The following MGMT variants were observed in gnomAD, a reference collection of about 807,000 sequenced individuals.
The protein encoded by MGMT is methylated-DNA--protein-cysteine methyltransferase.
Under a neutral mutation model 15.9 loss-of-function variants are expected in MGMT, and 14 were observed. That is an observed-to-expected ratio of 0.88 (90% CI 0.58 to 1.37). The LOEUF (loss-of-function observed/expected upper bound fraction) is 1.37, where lower values mean the gene tolerates loss of function less well. Among genes scored for constraint, MGMT ranks in the 40% most tolerant of loss-of-function variants. The pLI, the probability that MGMT is intolerant of heterozygous loss-of-function variation, is 0.00. For synonymous variants in MGMT, 130 were observed against 118.2 expected (o/e 1.10, Z -0.65); for missense variants, 282 against 268.1 (o/e 1.05, Z -0.36).
At chr10:129,496,517 A>C (rs1236475952) in intron 1 of MGMT, among the ~76,000 whole-genome samples, 2 of 152,170 alleles carry the variant, frequency 1.3e-5, no homozygotes, top group Non-Finnish European at 2.9e-5. Context: ...AAAATGTCTA[A>C]ATAAAATACT....
intron 3 of MGMT, among the ~76,000 whole-genome samples, chr10:129,708,479 T>C (rs1329042379): frequency 3.9e-5 from 6 of 152,212 alleles, no homozygotes; most frequent in Non-Finnish European, 8.8e-5. Context: ...GGTAGCAGCA[T>C]TGGAGCTTCT....
At chr10:129,624,998 C>A (rs1041223617) in intron 2 of MGMT, among the ~76,000 whole-genome samples, 6 of 151,896 alleles carry the variant, frequency 4.0e-5, no homozygotes, top group Admixed American at 2.0e-4. Context: ...TGGAAAGAGT[C>A]GTAAAAATTT....
intron 2 of MGMT, among the ~76,000 whole-genome samples, chr10:129,635,853 G>A (rs1238841649): frequency 6.6e-6 from 1 of 152,140 alleles, no homozygotes; most frequent in Non-Finnish European, 1.5e-5. Flanking sequence ...GCCTGCATCT[G>A]TCAGAGATGA....
Position 129,767,069 on chromosome 10 carries a change from A to T in MGMT, c.*72A>T. On this transcript the variant is annotated 3_prime_UTR_variant, in exon 5 of 5. Transcript: ENST00000651593. ...TGCATCGGATGCGGGGCGTGGAGGC[A>T]CCGCTGTATTAAAGGAAGTGGCAGT... The T allele has an allele frequency of 2.4e-6, 3 of 1,266,716 alleles. No homozygotes were observed. The highest frequency in any genetic ancestry group is 2.6e-5 in the Admixed American group (1 of 38,550). 78.5% of individuals were successfully genotyped at this position (1,266,716 alleles called of 1,614,324 possible).
chr10:129,639,299 C>A (rs947770182), intron 2 of MGMT, among the ~76,000 whole-genome samples: 1 of 152,026 alleles, frequency 6.6e-6, no homozygotes, highest in African/African-American at 2.4e-5. Flanking sequence ...TGTTACATAG[C>A]GATAAAGTAT....
rs145402721 is a variant in MGMT, at chr10:129,573,380, C to T, written c.125+37003C>T. On this transcript the variant is annotated intron_variant, in intron 2 of 4. Coordinates refer to ENST00000651593, the MANE Select transcript of MGMT (RefSeq NM_002412.5). ...AGGATCTCCCAATGTTAACAGCTTA[C>T]ATAACCATAGTACATGGTTTGTCAA... is the stretch of plus-strand genomic sequence containing the variant. 4.3e-3 allele frequency among the ~76,000 whole-genome samples: 657 copies of T among 152,280 alleles called. 5 individuals carry two copies. The highest frequency in any genetic ancestry group is 0.015 in the African/African-American group (619 of 41,566).
intron 1 of MGMT, among the ~76,000 whole-genome samples, chr10:129,519,921 C>G (rs748749859): frequency 2.0e-5 from 3 of 152,082 alleles, no homozygotes; most frequent in Non-Finnish European, 4.4e-5. Context: ...GTGGCTTACA[C>G]CTGTAATCTC....
chr10:129,723,923 G>A (rs536597545), intron 3 of MGMT, among the ~76,000 whole-genome samples: 1 of 152,286 alleles, frequency 6.6e-6, no homozygotes, highest in Admixed American at 6.5e-5. Context: ...ATACATTGGT[G>A]GGTGTTAAAA....
intron 3 of MGMT, among the ~76,000 whole-genome samples, chr10:129,726,147 A>C (rs1174447957): frequency 6.6e-6 from 1 of 152,050 alleles, no homozygotes; most frequent in Admixed American, 6.5e-5. Flanking sequence ...GGCCTCTGCC[A>C]AGTGCTTTGT....
Position 129,768,678 on chromosome 10 carries a change from G to A in MGMT, c.*1681G>A, listed in dbSNP as rs1848966140. On this transcript the variant is annotated 3_prime_UTR_variant, in exon 5 of 5. Coordinates refer to ENST00000651593, the MANE Select transcript of MGMT (RefSeq NM_002412.5). The stretch of plus-strand genomic sequence containing the variant: ...CTCCAAGGCAGCAGCTTGGGGCCTG[G>A]TGGCCCGGGTGTGCGAGCCGCGAGT... Among the ~76,000 whole-genome samples the A allele has an allele frequency of 6.6e-6, 1 of 152,238 alleles. No individual in the cohort carries two copies.
At chr10:129,599,476 T>C (rs1439232147) in intron 2 of MGMT, among the ~76,000 whole-genome samples, 3 of 152,242 alleles carry the variant, frequency 2.0e-5, no homozygotes, top group Non-Finnish European at 4.4e-5. Context: ...TTGCTGCTTC[T>C]TGTCTTGCGC....
chr10:129,752,979 T>C (rs1589976466), intron 3 of MGMT, among the ~76,000 whole-genome samples: 1 of 152,290 alleles, frequency 6.6e-6, no homozygotes, highest in East Asian at 1.9e-4. Flanking sequence ...TCTAAAGAAT[T>C]TCCTTTAGCC....
chr10:129,468,856 A>G (rs556614347), intron 1 of MGMT, among the ~76,000 whole-genome samples: 78 of 152,214 alleles, frequency 5.1e-4, no homozygotes, highest in Non-Finnish European at 8.7e-4. Flanking sequence ...TTGCACTCCA[A>G]CCTGGGCGAC....
intron 2 of MGMT, among the ~76,000 whole-genome samples, chr10:129,597,245 T>C (rs960229899): frequency 6.6e-6 from 1 of 152,160 alleles, no homozygotes; most frequent in African/African-American, 2.4e-5. Context: ...ACCATTGTTA[T>C]GGTTGGCATT....
intron 1 of MGMT, among the ~76,000 whole-genome samples, chr10:129,491,302 T>C (rs1845466934): frequency 6.6e-6 from 1 of 152,228 alleles, no homozygotes; most frequent in South Asian, 2.1e-4. Context: ...TGAAGTTTGC[T>C]GAAAAGTCAG....
At position 129,766,769 on chromosome 10, in the gene MGMT, C is replaced by G. The variant is rs1169976261; in HGVS notation, c.415-19C>G. ...TGTCCAGATCCCTGACTGACAGTGGCTGCCCCCCTGTCTTCCAGGTCCCCA... is the reference window on the plus strand; with the variant it reads ...TGTCCAGATCCCTGACTGACAGTGGGTGCCCCCCTGTCTTCCAGGTCCCCA... On this transcript the variant is annotated intron_variant, in intron 4 of 4. Coordinates refer to ENST00000651593, the MANE Select transcript of MGMT (RefSeq NM_002412.5). 6.2e-7 allele frequency: 1 copy of G among 1,601,908 alleles called. No homozygotes were observed. The highest frequency in any genetic ancestry group is 1.7e-5 in the Admixed American group (1 of 59,490).
chr10:129,545,490 C>T lies in MGMT; in HGVS notation c.125+9113C>T, dbSNP rs569033046. Among the ~76,000 whole-genome samples the T allele has an allele frequency of 5.3e-5, 8 of 152,284 alleles. No homozygotes were observed. The South Asian group carries it at 1.4e-3, about 28-fold the overall frequency. ...TAAAGTTACGACATGAGCTCGCATA[C>T]GTGCTGGTATTAGAGCTCCTTGGAC... On this transcript the variant is annotated intron_variant, in intron 2 of 4. Coordinates refer to ENST00000651593, the MANE Select transcript of MGMT (RefSeq NM_002412.5).
intron 2 of MGMT, among the ~76,000 whole-genome samples, chr10:129,672,579 A>G (rs941195080): frequency 6.6e-6 from 1 of 152,152 alleles, no homozygotes; most frequent in African/African-American, 2.4e-5. Flanking sequence ...TGATCGCTCT[A>G]ACAGTTCATT....
At chr10:129,499,526 G>T (rs1158679899) in intron 1 of MGMT, among the ~76,000 whole-genome samples, 1 of 152,184 alleles carries the variant, frequency 6.6e-6, no homozygotes, top group Non-Finnish European at 1.5e-5. Flanking sequence ...CTAATTTAGA[G>T]ATTTTTCTTT....
Sources: gnomAD v4.1 joint callset for allele counts (sites outside exome capture counted in the v4.1 genomes callset) on GRCh38, gnomAD v4.1.1 for gene constraint, MANE v1.5 for transcripts, NCBI Gene and HGNC (gene_info 2026-07-23, HGNC 2026-07-21) for gene names.